Variants in LMBR1 observed in about 807,000 individuals in gnomAD.
LMBR1 encodes the protein limb region 1 protein homolog.
Under a neutral mutation model 73.9 loss-of-function variants are expected in LMBR1, and 52 were observed. That is an observed-to-expected ratio of 0.70 (90% CI 0.56 to 0.89). LMBR1 has a LOEUF of 0.89. Ranked by LOEUF, LMBR1 falls within the 40% of genes least tolerant of loss-of-function variation. The probability of loss-of-function intolerance (pLI) is 0.00; values close to 1 mark genes in which losing one functional copy is unlikely to be tolerated. For synonymous variants in LMBR1, 215 were observed against 209.4 expected (o/e 1.03, Z -0.23); for missense variants, 539 against 579.8 (o/e 0.93, Z 0.72).
At chr7:156,676,235 A>G (rs1667962177), downstream of LMBR1, 14 of 1,441,218 alleles carry the variant, frequency 9.7e-6, no homozygotes, top group Admixed American at 2.2e-5. Flanking sequence ...GTAACAGAGT[A>G]TATGTGTGTG....
intron 8 of LMBR1, among the ~76,000 whole-genome samples, chr7:156,758,905 C>A (rs377707185): frequency 4.6e-5 from 7 of 152,184 alleles, no homozygotes; most frequent in Non-Finnish European, 8.8e-5. Flanking sequence ...AACAATCCTA[C>A]GAAAAACAGA....
chr7:156,688,241 T>C lies in LMBR1; in HGVS notation c.1226-50A>G, dbSNP rs183380907. On this transcript the variant is annotated intron_variant, in intron 15 of 16. Transcript: ENST00000353442. ...CTTAATGAAATCAGGTTAAGACATA[T>C]TTAGTGTGCTACAAGTAAAGTACAA... The C allele has an allele frequency of 1.6e-5, 21 of 1,325,028 alleles. No individual in the cohort carries two copies. In the African/African-American group the frequency reaches 2.2e-4, roughly 14 times the overall value. The allele number at this position is 1,325,028 out of a possible 1,614,324, so 82.1% of individuals were successfully genotyped here. A position where few individuals can be genotyped will look rare whatever the true frequency, so the allele number is the denominator to read the frequency against.
intron 8 of LMBR1, among the ~76,000 whole-genome samples, chr7:156,758,239 C>T (rs1007589981): frequency 1.9e-4 from 29 of 152,160 alleles, no homozygotes; most frequent in African/African-American, 7.0e-4. Context: ...TCCTTGGGGG[C>T]CTTGATCCAA....
chr7:156,746,770 A>G (rs1055297772), intron 9 of LMBR1, among the ~76,000 whole-genome samples: 36 of 152,172 alleles, frequency 2.4e-4, no homozygotes, highest in African/African-American at 8.7e-4. Context: ...AAATGACCAG[A>G]AGGAAACAAT....
At chr7:156,756,300 C>T in intron 9 of LMBR1, 93 bp downstream of exon 9, 2 of 686,538 alleles carry the variant, frequency 2.9e-6, no homozygotes, top group Non-Finnish European at 5.1e-6. Flanking sequence ...GCACAAGATT[C>T]AGAGAGGTTT....
intron 5 of LMBR1, among the ~76,000 whole-genome samples, chr7:156,777,418 A>C (rs905599733): frequency 6.6e-6 from 1 of 152,046 alleles, no homozygotes; most frequent in South Asian, 2.1e-4. Context: ...CTTTCGTTCT[A>C]TAAAAGAAAA....
chr7:156,893,171 AGC>A lies in LMBR1; in HGVS notation c.-180_-179del. The A allele has an allele frequency of 4.5e-6, 2 of 447,774 alleles. No homozygotes were observed. The highest frequency in any genetic ancestry group is 5.1e-5 in the African/African-American group (2 of 39,068). 27.7% of individuals were successfully genotyped at this position (447,774 alleles called of 1,614,324 possible). The stretch of plus-strand genomic sequence containing the variant: ...GCCGTCGCCTCAGCAGCCTCAGACG[AGC>A]AGCTCTGACTAAGGGAGGGCGGGCG... On this transcript the variant is annotated 5_prime_UTR_variant, in exon 1 of 17. Transcript: ENST00000353442.
rs569471742 is a variant in LMBR1 at position 156,874,138 on chromosome 7, G to A, written c.66+18790C>T. On this transcript the variant is annotated intron_variant, in intron 1 of 16. Transcript: ENST00000353442. ...TCAGGCATGGTGGGCTGCAGGTCCC[G>A]AGCCCCACCCGCGGGAAGGCAGCTA... is the stretch of plus-strand genomic sequence containing the variant. Among the ~76,000 whole-genome samples the A allele has an allele frequency of 7.8e-4, 119 of 152,352 alleles. 2 individuals are homozygous for A. The South Asian group carries it at 0.022, about 29-fold the overall frequency.
In LMBR1 at chr7:156,681,836, CAG is replaced by C. The variant is rs1805098830; in HGVS notation, c.*2240_*2241del. On this transcript the variant is annotated 3_prime_UTR_variant, in exon 17 of 17. Transcript: ENST00000353442. ...CAGAGCGACTGTCCTTACCAGGACT[CAG>C]AACGTTTGGCCTCCGTATTCTGGCA... 6.6e-6 allele frequency: 1 copy of C among 152,300 alleles called. No individual in the cohort carries two copies. The highest frequency in any genetic ancestry group is 6.5e-5 in the Admixed American group (1 of 15,294). 9.4% of individuals were successfully genotyped at this position (152,300 alleles called of 1,614,324 possible). A position where few individuals can be genotyped will look rare whatever the true frequency, so the allele number is the denominator to read the frequency against.
rs530304116 is a variant in LMBR1, at chr7:156,862,678, A to C, written c.67-25793T>G. Among the ~76,000 whole-genome samples the C allele has an allele frequency of 2.0e-4, 30 of 152,328 alleles. No individual in the cohort carries two copies. In the South Asian group the frequency reaches 6.2e-3, roughly 32 times the overall value. On this transcript the variant is annotated intron_variant, in intron 1 of 16. Coordinates refer to ENST00000353442, the MANE Select transcript of LMBR1 (RefSeq NM_022458.4). ...CCACAGACTAGTGGGAAATTTCTGTAAAAAGTGTATCTGATAGAAGACTTG... is the reference window on the plus strand; with the variant it reads ...CCACAGACTAGTGGGAAATTTCTGTCAAAAGTGTATCTGATAGAAGACTTG...
At chr7:156,750,056 G>GT (rs1820562046) in intron 9 of LMBR1, among the ~76,000 whole-genome samples, 1 of 152,076 alleles carries the variant, frequency 6.6e-6, no homozygotes, top group Non-Finnish European at 1.5e-5. Context: ...GATGAAAATC[G>GT]TATCTAAAGA....
rs1017345446 is a variant in LMBR1, at chr7:156,683,335, T to A, written c.*743A>T. 2 of 152,588 alleles carry A rather than the reference T, an allele frequency of 1.3e-5. No individual in the cohort carries two copies. Among genetic ancestry groups the A allele is most frequent in the African/African-American group, 4.8e-5 (2 of 41,462 alleles). 9.5% of individuals were successfully genotyped at this position (152,588 alleles called of 1,614,324 possible). On this transcript the variant is annotated 3_prime_UTR_variant, in exon 17 of 17. Coordinates refer to ENST00000353442, the MANE Select transcript of LMBR1 (RefSeq NM_022458.4). The stretch of plus-strand genomic sequence containing the variant: ...GCAACTATGTTATCAGAGGGAATAC[T>A]GAATTATATATATACATAAACTGTC...
chr7:156,775,410 C>T (rs1025742460), intron 5 of LMBR1, among the ~76,000 whole-genome samples: 2 of 152,052 alleles, frequency 1.3e-5, no homozygotes, highest in Non-Finnish European at 2.9e-5. Context: ...AATAATTTTA[C>T]CAAATATTTT....
At chr7:156,756,304 G>A in intron 9 of LMBR1, 89 bp downstream of exon 9, 1 of 700,604 alleles carries the variant, frequency 1.4e-6, no homozygotes, top group East Asian at 2.7e-5. Context: ...AAGATTCAGA[G>A]AGGTTTATAT....
At chr7:156,764,830 C>T (rs749450880) in intron 5 of LMBR1, among the ~76,000 whole-genome samples, 7 of 152,142 alleles carry the variant, frequency 4.6e-5, no homozygotes, top group African/African-American at 7.2e-5. Flanking sequence ...GGAAAGAAAA[C>T]GTCCTAAAAG....
chr7:156,875,942 T>C (rs1374493222), intron 1 of LMBR1, among the ~76,000 whole-genome samples: 1 of 148,992 alleles, frequency 6.7e-6, no homozygotes, highest in African/African-American at 2.5e-5. Context: ...AGGCAACCAA[T>C]AGCACGATGA....
At chr7:156,735,532 A>T (rs1191206713) in intron 9 of LMBR1, among the ~76,000 whole-genome samples, 5 of 121,234 alleles carry the variant, frequency 4.1e-5, no homozygotes, top group Non-Finnish European at 6.5e-5. Context: ...AAGTTCTCTC[A>T]GTTTTTAAGA....
intron 5 of LMBR1, among the ~76,000 whole-genome samples, chr7:156,780,637 T>C (rs1376675095): frequency 6.6e-6 from 1 of 152,208 alleles, no homozygotes; most frequent in Non-Finnish European, 1.5e-5. Flanking sequence ...AAAGAAGAAA[T>C]GAGAACTAAC....
chr7:156,754,515 A>T (rs1161602456), intron 9 of LMBR1, among the ~76,000 whole-genome samples: 1 of 152,172 alleles, frequency 6.6e-6, no homozygotes, highest in African/African-American at 2.4e-5. Flanking sequence ...ACACTAAGAA[A>T]GCGCCGCCAG....
Sources: allele counts gnomAD v4.1 joint callset (sites outside exome capture counted in the v4.1 genomes callset), GRCh38; gene constraint gnomAD v4.1.1; transcripts MANE v1.5; gene names NCBI Gene and HGNC (gene_info 2026-07-23, HGNC 2026-07-21).